Variants in UGT1A6 observed in about 807,000 individuals in gnomAD.
UGT1A6 encodes UDP-glucuronosyltransferase 1A6.
A neutral mutation model predicts 44.4 loss-of-function variants in UGT1A6; 32 were observed. That is an observed-to-expected ratio of 0.72 (90% confidence interval 0.54 to 0.97). The LOEUF (loss-of-function observed/expected upper bound fraction) is 0.97, where lower values mean the gene tolerates loss of function less well. Among genes scored for constraint, UGT1A6 ranks in the 50% least tolerant of loss-of-function variants. The pLI is 0.00. For missense variants in UGT1A6, 685 were observed against 661.9 expected, an observed-to-expected ratio of 1.03 and a Z score of -0.38; for synonymous variants, 238 against 248.5, an observed-to-expected ratio of 0.96 and a Z score of 0.40.
At chr2:233,738,077 A>T (rs1287862175) in intron 1 of UGT1A6, among the ~76,000 whole-genome samples, 1 of 152,120 alleles carries the variant, frequency 6.6e-6, no homozygotes, top group Non-Finnish European at 1.5e-5. Context: ...CCACCTCCTA[A>T]TCTCATCATA....
chr2:233,760,489 A>G (rs756552149), intron 1 of UGT1A6: 1 of 1,614,150 alleles, frequency 6.2e-7, no homozygotes, highest in Non-Finnish European at 8.5e-7. Context: ...CTCGTTGTAC[A>G]TCAGAGACGG....
intron 1 of UGT1A6, among the ~76,000 whole-genome samples, chr2:233,699,027 G>A (rs1169974105): frequency 6.6e-6 from 1 of 152,220 alleles, no homozygotes; most frequent in Non-Finnish European, 1.5e-5. Flanking sequence ...GAGCCACCAG[G>A]CAGTCCCAGA....
chr2:233,743,502 T>C (rs1233244952), intron 1 of UGT1A6: 12 of 1,366,994 alleles, frequency 8.8e-6, no homozygotes, highest in African/African-American at 1.5e-5. Context: ...AGAAAAGGGG[T>C]GCAGACGCTC....
intron 1 of UGT1A6, among the ~76,000 whole-genome samples, chr2:233,759,549 T>A (rs1172160092): frequency 6.6e-6 from 1 of 152,280 alleles, no homozygotes; most frequent in South Asian, 2.1e-4. Context: ...TGCGCTCCAG[T>A]GAATTTCCCT....
chr2:233,755,006 C>T (rs1286236812), intron 1 of UGT1A6: 2 of 1,291,954 alleles, frequency 1.5e-6, no homozygotes, highest in Admixed American at 1.9e-5. Context: ...TGAAGACCTA[C>T]TCGAAGGGGT....
chr2:233,733,374 C>T (rs1046101046), intron 1 of UGT1A6, among the ~76,000 whole-genome samples: 17 of 152,240 alleles, frequency 1.1e-4, no homozygotes, highest in Middle Eastern at 3.4e-3. Context: ...AGAGGTCATC[C>T]TTGTTTTGTG....
rs879204025 is a variant in UGT1A6, at chr2:233,769,857, CA to C, written c.1301+1435del. 0.15 allele frequency: 32,681 copies of C among 223,256 alleles called. 81 individuals are homozygous for C. Among genetic ancestry groups the C allele is most frequent in the Middle Eastern group, 0.2 (155 of 784 alleles). The allele number at this position is 223,256 out of a possible 1,614,324, so 13.8% of individuals were successfully genotyped here. ...TGGGCAACAGAGTGAGACCCTGTCT[CA>C]AAAAAAAAAAAAAAAATGAAAAGTC... On this transcript the variant is annotated intron_variant, in intron 4 of 4. Transcript: ENST00000305139. This position sits in a 1 kb window ranked among gnomAD's most constrained non-coding sequence, Gnocchi z 4.4.
intron 1 of UGT1A6, among the ~76,000 whole-genome samples, chr2:233,740,331 G>GA (rs1691368430): frequency 6.6e-6 from 1 of 151,940 alleles, no homozygotes; most frequent in African/African-American, 2.4e-5. Context: ...CATTTATTGA[G>GA]AAAGTTGATG....
In UGT1A6 at chr2:233,772,448, C is replaced by A; in HGVS notation, c.1488C>A (p.Ala496=). ...TGGACGTGATTGGTTTCCTCTTGGC[C>A]GTCGTGCTGACAGTGGCCTTCATCA... The part of the protein sequence containing the change: ...HSLDVIGFLL[A]VVLTVAFITF... Residue 496 remains alanine (A), a synonymous_variant, in exon 5 of 5, where the codon GCC becomes GCA. Coordinates refer to ENST00000305139, the MANE Select transcript of UGT1A6 (RefSeq NM_001072.4). 6.2e-7 allele frequency: 1 copy of A among 1,614,180 alleles called. No individual in the cohort carries two copies. The highest frequency in any genetic ancestry group is 8.5e-7 in the Non-Finnish European group (1 of 1,180,038).
chr2:233,760,609 C>T lies in UGT1A6; in HGVS notation c.862-6425C>T, dbSNP rs587784538. 50 of 1,614,060 alleles carry T rather than the reference C, an allele frequency of 3.1e-5. 1 individual carries two copies. The South Asian group carries it at 3.7e-4, about 12-fold the overall frequency. On this transcript the variant is annotated intron_variant, in intron 1 of 4. Transcript: ENST00000305139. Reference sequence around the variant, plus strand: ...TTTTGAGAATGATTCTTTCCTGCAGCGTGTGATCAAAACATACAAGAAAAT... The same window carrying T: ...TTTTGAGAATGATTCTTTCCTGCAGTGTGTGATCAAAACATACAAGAAAAT...
Position 233,736,954 on chromosome 2 carries a change from C to T in UGT1A6, c.862-30080C>T, listed in dbSNP as rs1375491683. On this transcript the variant is annotated intron_variant, in intron 1 of 4. Coordinates refer to ENST00000305139, the MANE Select transcript of UGT1A6 (RefSeq NM_001072.4). The stretch of plus-strand genomic sequence containing the variant: ...CCACCTATATGAGGTGTCTGTTGGC[C>T]CCTACTGGGAGGTGTTTCCCAGTCA... Among the ~76,000 whole-genome samples, 8 of 152,168 alleles carry T rather than the reference C, an allele frequency of 5.3e-5. No homozygotes were observed. The East Asian group carries it at 1.3e-3, about 26-fold the overall frequency.
rs1014873450 is a variant in UGT1A6, at chr2:233,765,562, T to G, written c.862-1472T>G. Among the ~76,000 whole-genome samples, 9 of 151,822 alleles carry G rather than the reference T, an allele frequency of 5.9e-5. No homozygotes were observed. In the East Asian group the frequency reaches 1.7e-3, roughly 29 times the overall value. Reference sequence around the variant, plus strand: ...ATAAGTGGGAGTTGAACAGTGAGAATGCGTAGACGCAGGGAGGGGAACAAC... The same window carrying G: ...ATAAGTGGGAGTTGAACAGTGAGAAGGCGTAGACGCAGGGAGGGGAACAAC... On this transcript the variant is annotated intron_variant, in intron 1 of 4. Transcript: ENST00000305139.
intron 1 of UGT1A6, chr2:233,713,556 A>G: frequency 1.2e-6 from 2 of 1,613,994 alleles, no homozygotes; most frequent in South Asian, 1.1e-5. Context: ...ACAGTGTCCA[A>G]ACCCTTCCTC....
In UGT1A6 at chr2:233,731,114, G is replaced by T. The variant is rs184066438; in HGVS notation, c.862-35920G>T. ...TTCTGTGCCTTTTTTATAAATGTAG[G>T]TATTATTGCAAAAGACTCTAAGCTT... On this transcript the variant is annotated intron_variant, in intron 1 of 4. Transcript: ENST00000305139. Among the ~76,000 whole-genome samples, 112 of 151,994 alleles carry T rather than the reference G, an allele frequency of 7.4e-4. 1 individual carries two copies. Among genetic ancestry groups the T allele is most frequent in the African/African-American group, 2.6e-3 (107 of 41,462 alleles).
chr2:233,732,917 C>T (rs958837276), intron 1 of UGT1A6, among the ~76,000 whole-genome samples: 38 of 152,062 alleles, frequency 2.5e-4, no homozygotes, highest in Non-Finnish European at 3.8e-4. Context: ...GCCATTTTCA[C>T]GATATTGATT....
chr2:233,760,637 A>G (rs1399740159), intron 1 of UGT1A6: 1 of 1,614,182 alleles, frequency 6.2e-7, no homozygotes, highest in South Asian at 1.1e-5. Context: ...AAGAAAATAA[A>G]AAAGGACTCT....
intron 1 of UGT1A6, among the ~76,000 whole-genome samples, chr2:233,703,171 CAG>C (rs2075726050): frequency 1.3e-5 from 2 of 152,058 alleles, no homozygotes; most frequent in African/African-American, 2.4e-5. Flanking sequence ...GATTCAATTT[CAG>C]TAGTTTGTTT....
At chr2:233,747,694 T>C in intron 1 of UGT1A6, 1 of 1,611,670 alleles carries the variant, frequency 6.2e-7, no homozygotes, top group Non-Finnish European at 8.5e-7. Context: ...GGGGCAGTGC[T>C]GGCTAAGTAC....
chr2:233,728,786 G>A (rs944510935), intron 1 of UGT1A6, among the ~76,000 whole-genome samples: 1 of 152,188 alleles, frequency 6.6e-6, no homozygotes, highest in Non-Finnish European at 1.5e-5. Context: ...GATAAACATG[G>A]TTAACAGAGA....
Sources: allele counts gnomAD v4.1 joint callset (sites outside exome capture counted in the v4.1 genomes callset), GRCh38; gene constraint gnomAD v4.1.1; non-coding constraint Gnocchi (gnomAD v3.1); transcripts MANE v1.5; gene names NCBI Gene and HGNC (gene_info 2026-07-23, HGNC 2026-07-21).